BCL11A: variants seen among roughly 807,000 people sequenced by gnomAD.
BCL11A encodes the protein B cell CLL/lymphoma 11A.
Under a neutral mutation model 55.9 loss-of-function variants are expected in BCL11A, and 2 were observed. The ratio of observed to expected loss-of-function variants is 0.04; its 90% CI spans 0.01 to 0.11. BCL11A has a LOEUF of 0.11. Ranked by LOEUF, BCL11A falls within the 10% of genes least tolerant of loss-of-function variation. The probability of loss-of-function intolerance (pLI) is 1.00; values close to 1 mark genes in which losing one functional copy is unlikely to be tolerated. For missense variants in BCL11A, 817 were observed against 1,137.1 expected, an observed-to-expected ratio of 0.72 and a Z score of 4.05; for synonymous variants, 465 against 473.4, an observed-to-expected ratio of 0.98 and a Z score of 0.23.
At chr2:60,543,965 A>G (rs1241345912) in intron 2 of BCL11A, 1 of 152,236 alleles carries the variant, frequency 6.6e-6, no homozygotes. Context: ...TTAGACAACC[A>G]GGGAGTTCAA....
chr2:60,539,672 T>C (rs1376875380), intron 2 of BCL11A, among the ~76,000 whole-genome samples: 2 of 152,196 alleles, frequency 1.3e-5, no homozygotes, highest in Non-Finnish European at 1.5e-5. Flanking sequence ...TTAAAATTAT[T>C]ATTATTTTAA....
intron 2 of BCL11A, among the ~76,000 whole-genome samples, chr2:60,491,963 G>C (rs1412841840): frequency 2.0e-5 from 3 of 152,226 alleles, no homozygotes; most frequent in African/African-American, 7.2e-5. Flanking sequence ...GAAATTGAGA[G>C]GGAATCTGGA....
intron 2 of BCL11A, among the ~76,000 whole-genome samples, chr2:60,511,338 C>T (rs1679974980): frequency 6.6e-6 from 1 of 152,176 alleles, no homozygotes; most frequent in African/African-American, 2.4e-5. Flanking sequence ...TAAGTGCTCC[C>T]CAGTAGGCAA....
intron 1 of BCL11A, among the ~76,000 whole-genome samples, chr2:60,548,657 A>G: frequency 6.6e-6 from 1 of 152,224 alleles, no homozygotes; most frequent in East Asian, 1.9e-4. Context: ...TCTTAACGTA[A>G]ATTATTGCTA....
At chr2:60,452,651 G>C (rs1443771936), downstream of BCL11A, 3 of 1,613,844 alleles carry the variant, frequency 1.9e-6, no homozygotes, top group Non-Finnish European at 2.5e-6. Context: ...ACGCCGAATG[G>C]GGGTGTGTGA....
intron 2 of BCL11A, among the ~76,000 whole-genome samples, chr2:60,524,334 T>A (rs1431948575): frequency 1.3e-5 from 2 of 152,220 alleles, no homozygotes; most frequent in Non-Finnish European, 2.9e-5. Flanking sequence ...ATCTCTGGCA[T>A]GAATGTTATC....
At chr2:60,507,479 G>A (rs928790105) in intron 2 of BCL11A, among the ~76,000 whole-genome samples, 8 of 151,994 alleles carry the variant, frequency 5.3e-5, no homozygotes, top group East Asian at 1.9e-4. Flanking sequence ...AGCTGCTTCC[G>A]TTCAAGCCAG....
Position 60,458,267 on chromosome 2 carries a change from A to G in BCL11A, c.*2137T>C. 1 of 1,024,850 alleles carries G rather than the reference A, an allele frequency of 9.8e-7. No individual in the cohort carries two copies. Among genetic ancestry groups the G allele is most frequent in the Non-Finnish European group, 1.2e-6 (1 of 852,454 alleles). The allele number at this position is 1,024,850 out of a possible 1,614,324, so 63.5% of individuals were successfully genotyped here. A position where few individuals can be genotyped will look rare whatever the true frequency, so the allele number is the denominator to read the frequency against. On this transcript the variant is annotated 3_prime_UTR_variant, in exon 4 of 4. Coordinates refer to ENST00000642384, the MANE Select transcript of BCL11A (RefSeq NM_022893.4). ...ACTATATAATCTTAAACCTTTCCCC[A>G]ATGTATGTTTTTTTTTTTTACAACC...
At chr2:60,534,902 A>C (rs1669603383) in intron 2 of BCL11A, 1 of 152,260 alleles carries the variant, frequency 6.6e-6, no homozygotes, top group South Asian at 2.1e-4. Flanking sequence ...TGAACTTTTA[A>C]TCTTGAGAAG....
chr2:60,512,929 G>C (rs1294085912), intron 2 of BCL11A, among the ~76,000 whole-genome samples: 1 of 152,126 alleles, frequency 6.6e-6, no homozygotes, highest in African/African-American at 2.4e-5. Context: ...ACAGAGAAAG[G>C]AGTTTCACCT....
At chr2:60,540,841 C>G (rs182395254) in intron 2 of BCL11A, among the ~76,000 whole-genome samples, 24 of 152,208 alleles carry the variant, frequency 1.6e-4, no homozygotes, top group Non-Finnish European at 3.1e-4. Context: ...ATGCCACATT[C>G]ACTAAGAGAA....
At chr2:60,467,138 T>TGGTGGTGG (rs1676687968) in intron 3 of BCL11A, among the ~76,000 whole-genome samples, 1 of 61,748 alleles carries the variant, frequency 1.6e-5, no homozygotes, top group Non-Finnish European at 3.4e-5. Context: ...GATGGTGGTG[T>TGGTGGTGG]TGGTGGTGAT....
intron 2 of BCL11A, among the ~76,000 whole-genome samples, chr2:60,483,377 C>G (rs1678070506): frequency 6.6e-6 from 1 of 152,176 alleles, no homozygotes; most frequent in African/African-American, 2.4e-5. Context: ...CTCAAATTCC[C>G]CTGCCCAGTG....
intron 2 of BCL11A, among the ~76,000 whole-genome samples, chr2:60,489,752 C>T (rs185760597): frequency 4.6e-5 from 7 of 151,970 alleles, no homozygotes; most frequent in African/African-American, 1.7e-4. Flanking sequence ...TATTTACTAA[C>T]CACTTTTATC....
At chr2:60,453,628 T>C (rs769923040), downstream of BCL11A, among the ~76,000 whole-genome samples, 1 of 152,236 alleles carries the variant, frequency 6.6e-6, no homozygotes, top group Non-Finnish European at 1.5e-5. Flanking sequence ...GTCACTGTCG[T>C]CGAGGCCCCT....
chr2:60,541,706 A>G (rs1669933493), intron 2 of BCL11A: 1 of 490,782 alleles, frequency 2.0e-6, no homozygotes, highest in Non-Finnish European at 3.6e-6. Flanking sequence ...TTTTGAAGGT[A>G]AGTAAAATGT....
chr2:60,494,927 T>A (rs1206851989), intron 2 of BCL11A, among the ~76,000 whole-genome samples: 1 of 152,080 alleles, frequency 6.6e-6, no homozygotes, highest in Non-Finnish European at 1.5e-5. Context: ...GCAAGTCAGT[T>A]GGGAACACAG....
At chr2:60,542,965 G>T (rs1669990870) in intron 2 of BCL11A, 1 of 150,984 alleles carries the variant, frequency 6.6e-6, no homozygotes. Context: ...AGGAGGCAGA[G>T]GTTGCAGTGA....
chr2:60,532,768 A>G (rs1298863054), intron 2 of BCL11A: 1 of 152,204 alleles, frequency 6.6e-6, no homozygotes, highest in African/African-American at 2.4e-5. Flanking sequence ...TTTTAAAGGT[A>G]GATTTAAAGC....
Sources: allele counts gnomAD v4.1 joint callset (sites outside exome capture counted in the v4.1 genomes callset), GRCh38; gene constraint gnomAD v4.1.1; transcripts MANE v1.5; gene names NCBI Gene and HGNC (gene_info 2026-07-23, HGNC 2026-07-21).